Variants in BANP observed in about 807,000 individuals in gnomAD.
BANP encodes BTG3 associated nuclear protein.
BANP carries 11 observed loss-of-function variants against 68.1 expected under a neutral mutation model. The ratio of observed to expected loss-of-function variants is 0.16; its 90% CI spans 0.10 to 0.27. BANP has a LOEUF of 0.27. BANP is among the 10% of genes least tolerant of loss of function. The pLI, the probability that BANP is intolerant of heterozygous loss-of-function variation, is 1.00. For synonymous variants in BANP, 329 were observed against 303.2 expected (o/e 1.09, Z -0.88); for missense variants, 504 against 722.7 (o/e 0.70, Z 3.47).
At chr16:88,033,917 T>C (rs190645271) in intron 9 of BANP, among the ~76,000 whole-genome samples, 5 of 152,066 alleles carry the variant, frequency 3.3e-5, no homozygotes, top group African/African-American at 9.7e-5. Flanking sequence ...AGGAAGACTT[T>C]TCTGGAAGCT....
rs770441921 is a variant in BANP, at chr16:88,003,358, A to G, written c.363-937A>G. 3.7e-5 allele frequency: 16 copies of G among 438,008 alleles called. No individual in the cohort carries two copies. The highest frequency in any genetic ancestry group is 3.3e-4 in the Middle Eastern group (1 of 2,998). 27.1% of individuals were successfully genotyped at this position (438,008 alleles called of 1,614,324 possible). On this transcript the variant is annotated intron_variant, in intron 4 of 13. Coordinates refer to ENST00000682872, the MANE Select transcript of BANP (RefSeq NM_001386991.1). This position sits in a 1 kb window ranked among gnomAD's most constrained non-coding sequence, Gnocchi z 6.1. ...CAGTGATACTAGGCTAGAATTTCCTATGTGCAGATCACAGAAAGGCAGGCT... is the reference window on the plus strand; with the variant it reads ...CAGTGATACTAGGCTAGAATTTCCTGTGTGCAGATCACAGAAAGGCAGGCT...
intron 1 of BANP, among the ~76,000 whole-genome samples, chr16:87,971,515 G>A (rs781103350): frequency 1.2e-4 from 18 of 150,632 alleles, no homozygotes; most frequent in Non-Finnish European, 2.5e-4. Context: ...TTTTTCTGTT[G>A]GAGTTTGATA....
intron 4 of BANP, among the ~76,000 whole-genome samples, chr16:87,995,254 G>T (rs1369654642): frequency 1.3e-5 from 2 of 152,240 alleles, no homozygotes; most frequent in Non-Finnish European, 1.5e-5. Flanking sequence ...GCTGTGGGCT[G>T]CCCTGGCCTG....
At chr16:88,059,043 C>A (rs1215070191) in intron 11 of BANP, among the ~76,000 whole-genome samples, 1 of 151,474 alleles carries the variant, frequency 6.6e-6, no homozygotes, top group African/African-American at 2.4e-5. Flanking sequence ...GTCGGAACCC[C>A]TGTACCACAG....
intron 4 of BANP, among the ~76,000 whole-genome samples, chr16:87,987,229 C>T (rs2064669847): frequency 1.3e-5 from 2 of 152,094 alleles, no homozygotes; most frequent in Admixed American, 6.5e-5. Flanking sequence ...CAGGCATGCA[C>T]CACGCCGCCT....
chr16:88,072,027 G>T (rs1202098862), intron 12 of BANP, 42 bp from the exon 13 acceptor site: 2 of 1,542,794 alleles, frequency 1.3e-6, no homozygotes, highest in East Asian at 2.4e-5. Flanking sequence ...GTTGTGGGTT[G>T]TGGGCCACGC....
intron 7 of BANP, among the ~76,000 whole-genome samples, chr16:88,019,090 G>A (rs1012199986): frequency 1.3e-5 from 2 of 152,204 alleles, no homozygotes; most frequent in African/African-American, 4.8e-5. Flanking sequence ...TGAGAGGGCT[G>A]GGCCTCAGCA....
chr16:88,054,972 C>G (rs938752946), intron 11 of BANP, among the ~76,000 whole-genome samples: 4 of 152,132 alleles, frequency 2.6e-5, no homozygotes, highest in African/African-American at 9.7e-5. Context: ...TGGGTCAGTT[C>G]TTTCACTATA....
rs775499152 is a variant in BANP, at chr16:88,072,102, T to C, written c.1411T>C (p.Ser471Pro). The C allele has an allele frequency of 6.2e-7, 1 of 1,601,216 alleles. No individual in the cohort carries two copies. The highest frequency in any genetic ancestry group is 1.1e-5 in the South Asian group (1 of 89,306). The change falls in exon 13 of 14, where the codon TCC (serine) becomes CCC (proline). Residue 471 changes from serine (S) to proline (P), a missense_variant. Around this residue, in one of 3 missense-constraint regions of BANP, gnomAD observed 223 missense variants for 246.2 expected, o/e 0.91. Coordinates refer to ENST00000682872, the MANE Select transcript of BANP (RefSeq NM_001386991.1). ...LQGAQLIAVA[S>P]SDPAAAGVDG... ...GGGTGCACAGCTGATCGCCGTGGCC[T>C]CCTCGGACCCCGCGGCGGCGGGCGT...
At chr16:88,051,840 T>TA (rs1302176115) in intron 11 of BANP, among the ~76,000 whole-genome samples, 2 of 152,222 alleles carry the variant, frequency 1.3e-5, no homozygotes, top group Admixed American at 1.3e-4. Context: ...TTTCCTATAT[T>TA]AAAAAATCTA....
At chr16:88,026,575 A>G (rs756696416) in intron 7 of BANP, among the ~76,000 whole-genome samples, 3 of 152,196 alleles carry the variant, frequency 2.0e-5, no homozygotes, top group Non-Finnish European at 2.9e-5. Context: ...CAGAATAACA[A>G]TACATGCGTG....
At chr16:87,975,602 T>C (rs554536819) in intron 2 of BANP, among the ~76,000 whole-genome samples, 4 of 126,604 alleles carry the variant, frequency 3.2e-5, no homozygotes, top group Non-Finnish European at 7.1e-5. Context: ...CTTACCATGT[T>C]GTGTGTGTAA....
At chr16:87,955,596 A>C (rs758035320) in intron 1 of BANP, among the ~76,000 whole-genome samples, 1 of 152,080 alleles carries the variant, frequency 6.6e-6, no homozygotes, top group Non-Finnish European at 1.5e-5. Flanking sequence ...GGGACCCCAC[A>C]CTGGTGCGTG....
chr16:88,048,647 G>A (rs2082547997), intron 11 of BANP, among the ~76,000 whole-genome samples: 1 of 150,810 alleles, frequency 6.6e-6, no homozygotes, highest in Non-Finnish European at 1.5e-5. Flanking sequence ...GAAAGGAGGT[G>A]GATTCTAACA....
chr16:87,987,109 C>T (rs542507251), intron 4 of BANP, among the ~76,000 whole-genome samples: 15 of 151,968 alleles, frequency 9.9e-5, no homozygotes, highest in Admixed American at 3.3e-4. Flanking sequence ...TTTGAGACTC[C>T]GCTCGGCCAC....
chr16:87,952,565 A>G (rs1486858070), intron 1 of BANP: 1 of 152,244 alleles, frequency 6.6e-6, no homozygotes, highest in South Asian at 2.1e-4. Flanking sequence ...GGACAGAAAA[A>G]TAACTTGGAG....
At chr16:88,060,423 C>T (rs7184333) in intron 11 of BANP, among the ~76,000 whole-genome samples, 18 of 152,194 alleles carry the variant, frequency 1.2e-4, no homozygotes, top group African/African-American at 4.3e-4. Flanking sequence ...GATCAGCTGA[C>T]GTTGGACACG....
At chr16:88,065,782 T>C (rs947221595) in intron 12 of BANP, among the ~76,000 whole-genome samples, 2 of 152,068 alleles carry the variant, frequency 1.3e-5, no homozygotes, top group African/African-American at 4.8e-5. Flanking sequence ...CAGGACCAGG[T>C]TGCATGCTTG....
chr16:88,048,680 G>A (rs530936814), intron 11 of BANP, among the ~76,000 whole-genome samples: 1 of 152,056 alleles, frequency 6.6e-6, no homozygotes, highest in African/African-American at 2.4e-5. Flanking sequence ...TTGAATCGGC[G>A]CTCACAACAG....
Sources: allele counts gnomAD v4.1 joint callset (sites outside exome capture counted in the v4.1 genomes callset), GRCh38; gene constraint gnomAD v4.1.1; regional missense constraint gnomAD v4.1.1; non-coding constraint Gnocchi (gnomAD v3.1); transcripts MANE v1.5; gene names NCBI Gene and HGNC (gene_info 2026-07-23, HGNC 2026-07-21).